PBRM1: variants seen among roughly 807,000 people sequenced by gnomAD.
The protein encoded by PBRM1 is polybromo 1, also known as protein polybromo-1.
Under a neutral mutation model 194.5 loss-of-function variants are expected in PBRM1, and 27 were observed. That is an observed-to-expected ratio of 0.14 (90% confidence interval 0.10 to 0.19). PBRM1 has a LOEUF of 0.19. Ranked by LOEUF, PBRM1 falls within the 10% of genes least tolerant of loss-of-function variation. The pLI is 1.00. For synonymous variants in PBRM1, 655 were observed against 693.2 expected (o/e 0.94, Z 0.87); for missense variants, 1,466 against 2,077.2 (o/e 0.71, Z 5.72).
chr3:52,648,462 A>G lies in PBRM1; in HGVS notation c.715-20T>C. 1 of 1,319,018 alleles carries G rather than the reference A, an allele frequency of 7.6e-7. No homozygotes were observed. The highest frequency in any genetic ancestry group is 1.2e-5 in the South Asian group (1 of 80,464). The allele number at this position is 1,319,018 out of a possible 1,614,324, so 81.7% of individuals were successfully genotyped here. A position where few individuals can be genotyped will look rare whatever the true frequency, so the allele number is the denominator to read the frequency against. On this transcript the variant is annotated intron_variant, in intron 6 of 29. Transcript: ENST00000296302. ...TCCATTCTACAATAAACAACAAAATATAGCAGTTCCTTTTAATGAGAGTTC... is the reference window on the plus strand; with the variant it reads ...TCCATTCTACAATAAACAACAAAATGTAGCAGTTCCTTTTAATGAGAGTTC...
rs762681295 is a variant in PBRM1, at chr3:52,609,342, T to C, written c.2538A>G (p.Glu846=). The change falls in exon 16 of 30, where the codon GAA becomes GAG. Residue 846 remains glutamate, a synonymous_variant. Coordinates refer to ENST00000296302, the Ensembl canonical transcript of PBRM1. The surrounding 1 kb of genome is among the most constrained non-coding windows in gnomAD (Gnocchi z 4.1). Reference sequence around the variant, plus strand: ...TCATCCTTCTTGCTCGTTCCAATACTTCAAACATATGCTCTTGAAATAAAT... The same window carrying C: ...TCATCCTTCTTGCTCGTTCCAATACCTCAAACATATGCTCTTGAAATAAAT... 1.5e-5 allele frequency: 24 copies of C among 1,613,838 alleles called. No homozygotes were observed. In the Middle Eastern group the frequency reaches 4.9e-4, roughly 33 times the overall value.
intron 22 of PBRM1, 64 bp from the exon 25 acceptor site, chr3:52,564,297 A>G (rs1332319360): frequency 5.1e-6 from 6 of 1,174,238 alleles, no homozygotes; most frequent in Non-Finnish European, 7.5e-6. Context: ...TAACTGTTTT[A>G]ACATTTTATT....
chr3:52,681,609 A>T (rs2097206674), upstream of PBRM1: 2 of 410,190 alleles, frequency 4.9e-6, no homozygotes, highest in Non-Finnish European at 6.7e-6. Flanking sequence ...TCTTTGTGGA[A>T]AGGATAACAA....
chr3:52,637,863 T>C (rs1247907387), intron 10 of PBRM1, among the ~76,000 whole-genome samples: 6 of 150,334 alleles, frequency 4.0e-5, no homozygotes, highest in Admixed American at 1.3e-4. Context: ...GGAGAATCAC[T>C]TGAACCTGGG....
intron 20 of PBRM1, among the ~76,000 whole-genome samples, chr3:52,585,015 AT>A (rs1232671375): frequency 2.0e-5 from 3 of 152,212 alleles, no homozygotes; most frequent in Non-Finnish European, 4.4e-5. Flanking sequence ...CTTTGATCTA[AT>A]GGAATAATGA....
At chr3:52,599,542 T>C (rs572275161) in intron 17 of PBRM1, among the ~76,000 whole-genome samples, 113 of 151,698 alleles carry the variant, frequency 7.4e-4, no homozygotes, top group Non-Finnish European at 1.4e-3. Flanking sequence ...CCAGGCGTGG[T>C]GGCTCATGCC....
chr3:52,588,087 C>T (rs1478856537), intron 18 of PBRM1, among the ~76,000 whole-genome samples: 1 of 152,070 alleles, frequency 6.6e-6, no homozygotes, highest in Non-Finnish European at 1.5e-5. Flanking sequence ...ATGAGGAGGA[C>T]AGGTGATGAG....
In PBRM1 at chr3:52,609,368, C is replaced by A; in HGVS notation, c.2512G>T (p.Asp838Tyr). ...TCAAACATATGCTCTTGAAATAAAT[C>A]AAGCCGACGGTAGCGATTATTTTCA... The change falls in exon 16 of 30, where the codon GAT (aspartate) becomes TAT (tyrosine). Residue 838 changes from aspartate to tyrosine, a missense_variant. Around this residue, in one of 5 missense-constraint regions of PBRM1, gnomAD observed 687 missense variants for 946.2 expected, o/e 0.73. Coordinates refer to ENST00000296302, the Ensembl canonical transcript of PBRM1. This position sits in a 1 kb window ranked among gnomAD's most constrained non-coding sequence, Gnocchi z 4.1. 6.2e-7 allele frequency: 1 copy of A among 1,613,964 alleles called. No homozygotes were observed. The highest frequency in any genetic ancestry group is 8.5e-7 in the Non-Finnish European group (1 of 1,179,842).
intron 17 of PBRM1, among the ~76,000 whole-genome samples, chr3:52,591,429 T>C (rs2093024025): frequency 6.6e-6 from 1 of 152,152 alleles, no homozygotes; most frequent in Non-Finnish European, 1.5e-5. Flanking sequence ...AGTATGTTTC[T>C]TTAATACCTA....
intron 29 of PBRM1, among the ~76,000 whole-genome samples, chr3:52,550,072 G>T (rs1382792533): frequency 1.3e-5 from 2 of 152,128 alleles, no homozygotes; most frequent in African/African-American, 2.4e-5. Flanking sequence ...ATAAACATTA[G>T]CCAGGTGTGG....
At chr3:52,579,650 G>C (rs1453857336) in intron 20 of PBRM1, among the ~76,000 whole-genome samples, 2 of 151,878 alleles carry the variant, frequency 1.3e-5, no homozygotes, top group Non-Finnish European at 2.9e-5. Context: ...GAGAAACTCT[G>C]AAGGAGGCTA....
intron 9 of PBRM1, 125 bp from the exon 11 acceptor site, chr3:52,642,170 C>A (rs964591411): frequency 1.1e-5 from 7 of 659,810 alleles, no homozygotes; most frequent in Non-Finnish European, 1.9e-5. Context: ...TCAATTGCCT[C>A]CTTAGTTTAT....
rs769014525 is a variant in PBRM1, at chr3:52,548,050, C to T, written c.*13G>A. The T allele has an allele frequency of 8.8e-6, 14 of 1,596,636 alleles. 1 individual carries two copies. Among genetic ancestry groups the T allele is most frequent in the Admixed American group, 1.7e-5 (1 of 57,236 alleles). Reference sequence around the variant, plus strand: ...TCTTTATGCTTCTATATAAAAGAAACGTAATGATGTGATTAAACATTTTCT... The same window carrying T: ...TCTTTATGCTTCTATATAAAAGAAATGTAATGATGTGATTAAACATTTTCT... On this transcript the variant is annotated 3_prime_UTR_variant, in exon 30 of 30. Coordinates refer to ENST00000296302, the Ensembl canonical transcript of PBRM1.
At chr3:52,621,169 T>C (rs1276967941) in intron 13 of PBRM1, among the ~76,000 whole-genome samples, 3 of 152,184 alleles carry the variant, frequency 2.0e-5, no homozygotes, top group Admixed American at 1.3e-4. Flanking sequence ...CAGAGCCCTA[T>C]TTGATACTTC....
exon 9 of PBRM1, chr3:52,643,340 A>C: frequency 6.2e-7 from 1 of 1,605,206 alleles, no homozygotes; most frequent in Admixed American, 1.7e-5. Flanking sequence ...AGTTGGATGG[A>C]GTCCTATCCA....
At chr3:52,600,077 G>A (rs757381369) in intron 17 of PBRM1, among the ~76,000 whole-genome samples, 12 of 152,054 alleles carry the variant, frequency 7.9e-5, no homozygotes, top group African/African-American at 2.7e-4. Flanking sequence ...GTGACACTTC[G>A]TTGCATTTAT....
At chr3:52,622,530 C>T (rs2095316203) in intron 13 of PBRM1, among the ~76,000 whole-genome samples, 1 of 152,132 alleles carries the variant, frequency 6.6e-6, no homozygotes. Flanking sequence ...TGAGAAATGG[C>T]TGCTTTTTCT....
At chr3:52,651,652 C>G in intron 6 of PBRM1, 90 bp downstream of exon 7, 1 of 651,828 alleles carries the variant, frequency 1.5e-6, no homozygotes, top group African/African-American at 1.9e-5. Context: ...ACAGAGACAA[C>G]TAGCTTCTCT....
At chr3:52,674,655 T>C (rs2097053983) in intron 2 of PBRM1, among the ~76,000 whole-genome samples, 1 of 142,884 alleles carries the variant, frequency 7.0e-6, no homozygotes. Context: ...TATATATATA[T>C]ATATATATAT....
Sources: gnomAD v4.1 joint callset for allele counts (sites outside exome capture counted in the v4.1 genomes callset) on GRCh38, gnomAD v4.1.1 for gene constraint, gnomAD v4.1.1 regional missense constraint, Gnocchi (gnomAD v3.1) non-coding constraint, MANE v1.5 for transcripts, NCBI Gene and HGNC (gene_info 2026-07-23, HGNC 2026-07-21) for gene names.